Variants in COL25A1 observed in about 807,000 individuals in gnomAD.
The protein encoded by COL25A1 is collagen alpha-1(XXV) chain.
A neutral mutation model predicts 128.4 loss-of-function variants in COL25A1; 103 were observed. The ratio of observed to expected loss-of-function variants is 0.80; its 90% CI spans 0.68 to 0.94. The LOEUF is 0.94. Ranked by LOEUF, COL25A1 falls within the 40% of genes least tolerant of loss-of-function variation. The pLI is 0.00. For synonymous variants in COL25A1, 279 were observed against 277.2 expected, an observed-to-expected ratio of 1.01 and a Z score of -0.06; for missense variants, 745 against 840.0, an observed-to-expected ratio of 0.89 and a Z score of 1.40.
intron 3 of COL25A1, among the ~76,000 whole-genome samples, chr4:109,067,950 T>C (rs914988930): frequency 3.9e-5 from 6 of 152,176 alleles, no homozygotes; most frequent in Non-Finnish European, 7.3e-5. Flanking sequence ...ATACTGGGTA[T>C]CATGTGGCCT....
At chr4:108,917,959 T>C (rs1745058093) in intron 13 of COL25A1, among the ~76,000 whole-genome samples, 1 of 152,210 alleles carries the variant, frequency 6.6e-6, no homozygotes, top group Non-Finnish European at 1.5e-5. Context: ...TCCAAAATAC[T>C]TGAAATGGAA....
At chr4:108,836,315 A>G (rs1282551425) in intron 31 of COL25A1, among the ~76,000 whole-genome samples, 1 of 152,244 alleles carries the variant, frequency 6.6e-6, no homozygotes, top group African/African-American at 2.4e-5. Context: ...CAGACTTTAA[A>G]TAAATCAGAT....
chr4:109,292,446 A>G lies in COL25A1; in HGVS notation c.367+8137T>C, dbSNP rs1286866826. ...GAGATGCACCATATTAAAAGCCTCA[A>G]CCCACATTTTCAGATCTTCATCATA... is the stretch of plus-strand genomic sequence containing the variant. On this transcript the variant is annotated intron_variant, in intron 3 of 37. Transcript: ENST00000399132. Among the ~76,000 whole-genome samples, 4 of 152,000 alleles carry G rather than the reference A, an allele frequency of 2.6e-5. No homozygotes were observed. The South Asian group carries it at 6.2e-4, about 24-fold the overall frequency.
chr4:109,096,029 G>A (rs1004890767), intron 3 of COL25A1, among the ~76,000 whole-genome samples: 2 of 152,214 alleles, frequency 1.3e-5, no homozygotes, highest in African/African-American at 4.8e-5. Flanking sequence ...GAGCGAACGT[G>A]TCTGGAATTG....
chr4:108,927,478 A>C (rs560426219), intron 11 of COL25A1, among the ~76,000 whole-genome samples: 4 of 95,326 alleles, frequency 4.2e-5, no homozygotes, highest in East Asian at 1.4e-3. Flanking sequence ...TACCTCTATC[A>C]CTGGAAAGAG....
chr4:109,164,289 C>T (rs1327141494), intron 3 of COL25A1, among the ~76,000 whole-genome samples: 1 of 152,146 alleles, frequency 6.6e-6, no homozygotes, highest in Non-Finnish European at 1.5e-5. Context: ...AGGAATTTAG[C>T]ATAGTGAAAC....
intron 5 of COL25A1, among the ~76,000 whole-genome samples, chr4:109,031,162 A>C (rs1758814361): frequency 6.6e-6 from 1 of 152,204 alleles, no homozygotes; most frequent in African/African-American, 2.4e-5. Flanking sequence ...CCCAGGCTGG[A>C]GTGCAGTGGC....
chr4:109,063,596 C>T (rs546482829), intron 3 of COL25A1, among the ~76,000 whole-genome samples: 48 of 152,078 alleles, frequency 3.2e-4, no homozygotes, highest in African/African-American at 1.2e-3. Flanking sequence ...AATCCCAGCA[C>T]CTTGGGAAGC....
intron 3 of COL25A1, among the ~76,000 whole-genome samples, chr4:109,073,391 T>C (rs1392265017): frequency 6.6e-6 from 1 of 152,190 alleles, no homozygotes; most frequent in Admixed American, 6.5e-5. Context: ...AGACCAGAGA[T>C]TTCCAAAAGG....
At chr4:109,287,786 A>G (rs1011684501) in intron 3 of COL25A1, among the ~76,000 whole-genome samples, 6 of 152,208 alleles carry the variant, frequency 3.9e-5, no homozygotes, top group African/African-American at 1.4e-4. Flanking sequence ...GCAAGAGCAG[A>G]GGAGAGCATC....
chr4:109,211,208 T>C (rs982458809), intron 3 of COL25A1, among the ~76,000 whole-genome samples: 2 of 116,104 alleles, frequency 1.7e-5, no homozygotes, highest in Non-Finnish European at 3.2e-5. Flanking sequence ...TATTTTTAAA[T>C]ACATATATAT....
chr4:108,843,563 C>T (rs1384006544), intron 30 of COL25A1, among the ~76,000 whole-genome samples: 2 of 152,178 alleles, frequency 1.3e-5, no homozygotes, highest in African/African-American at 4.8e-5. Flanking sequence ...CACTGGACAT[C>T]AGTTTCTTGA....
rs57969304 is a variant in COL25A1, at chr4:108,968,480, CTT to C, written c.492+5885_492+5886del. On this transcript the variant is annotated intron_variant, in intron 8 of 37. Coordinates refer to ENST00000399132, the MANE Select transcript of COL25A1 (RefSeq NM_198721.4). ...TATTCAGAATATTATATTGGCCACT[CTT>C]TTTTTTTTTTTTAAGTAGTTTTGTG... Among the ~76,000 whole-genome samples, 152 of 145,616 alleles carry C rather than the reference CTT, an allele frequency of 1.0e-3. 1 individual carries two copies. In the South Asian group the frequency reaches 0.018, roughly 17 times the overall value.
chr4:109,224,747 C>T (rs112883842), intron 3 of COL25A1, among the ~76,000 whole-genome samples: 3,426 of 152,058 alleles, frequency 0.023, 109 homozygotes, highest in African/African-American at 0.07. Context: ...AGAGATCAGC[C>T]GGACCAACAT....
chr4:108,823,738 T>TGG (rs1270051349), intron 35 of COL25A1: 3 of 268,330 alleles, frequency 1.1e-5, no homozygotes, highest in African/African-American at 7.0e-5. Context: ...ATATAAAAAA[T>TGG]ATCAACGTAC....
chr4:108,853,395 C>T (rs72668335), intron 24 of COL25A1, among the ~76,000 whole-genome samples: 64 of 151,348 alleles, frequency 4.2e-4, no homozygotes, highest in Non-Finnish European at 8.1e-4. Context: ...TGTGTGTGTG[C>T]GTGTGTGTGT....
At chr4:108,942,144 G>A (rs1748185499) in intron 8 of COL25A1, 1 of 1,498,058 alleles carries the variant, frequency 6.7e-7, no homozygotes, top group Middle Eastern at 1.7e-4. Context: ...CCAATTGAAT[G>A]GTTCCTGCTC....
chr4:109,220,599 AATT>A (rs1390594135), intron 3 of COL25A1, among the ~76,000 whole-genome samples: 1 of 152,196 alleles, frequency 6.6e-6, no homozygotes, highest in Non-Finnish European at 1.5e-5. Flanking sequence ...TTAACAGTAG[AATT>A]ATTTGATAAG....
chr4:108,845,802 C>A (rs138865000), intron 28 of COL25A1, among the ~76,000 whole-genome samples: 1 of 152,164 alleles, frequency 6.6e-6, no homozygotes, highest in African/African-American at 2.4e-5. Context: ...TATTTTTTGG[C>A]TCATTTCTTT....
Sources: allele counts gnomAD v4.1 joint callset (sites outside exome capture counted in the v4.1 genomes callset), GRCh38; gene constraint gnomAD v4.1.1; transcripts MANE v1.5; gene names NCBI Gene and HGNC (gene_info 2026-07-23, HGNC 2026-07-21).